The following GPC6 variants were observed in gnomAD, a reference collection of about 807,000 sequenced individuals.
GPC6 encodes glypican-6.
In GPC6, 14 loss-of-function variants were observed where a neutral mutation model predicts 55.2. The observed-to-expected ratio is 0.25, with a 90% CI of 0.17 to 0.40. The LOEUF is 0.40. Among genes scored for constraint, GPC6 ranks in the 10% least tolerant of loss-of-function variants. The pLI is 1.00. For synonymous variants in GPC6, 278 were observed against 259.6 expected (o/e 1.07, Z -0.68); for missense variants, 641 against 708.5 (o/e 0.90, Z 1.08).
chr13:94,098,917 G>T (rs1885755845), intron 4 of GPC6, among the ~76,000 whole-genome samples: 1 of 151,914 alleles, frequency 6.6e-6, no homozygotes, highest in African/African-American at 2.4e-5. Flanking sequence ...TATTGTGTGG[G>T]GCTACACCCA....
rs9561337 is a variant in GPC6 at position 93,388,918 on chromosome 13, G to A, written c.161-156345G>A. ...GTGAGTGAGTCAGTGAATGCACAGCGTTGCCATGGTTAAACCAGTGATTCA... is the reference window on the plus strand; with the variant it reads ...GTGAGTGAGTCAGTGAATGCACAGCATTGCCATGGTTAAACCAGTGATTCA... On this transcript the variant is annotated intron_variant, in intron 1 of 8. Transcript: ENST00000377047. Among the ~76,000 whole-genome samples the A allele has an allele frequency of 6.7e-3, 1,018 of 152,142 alleles. 66 individuals carry two copies. The East Asian group carries it at 0.16, about 24-fold the overall frequency.
intron 2 of GPC6, among the ~76,000 whole-genome samples, chr13:93,680,926 A>G (rs554742401): frequency 6.6e-6 from 1 of 152,278 alleles, no homozygotes; most frequent in African/African-American, 2.4e-5. Flanking sequence ...ATTGCCTTTG[A>G]TGGCTAGGAA....
At chr13:93,411,759 G>A (rs532772488) in intron 1 of GPC6, among the ~76,000 whole-genome samples, 1 of 152,178 alleles carries the variant, frequency 6.6e-6, no homozygotes, top group Non-Finnish European at 1.5e-5. Context: ...TCAGCACTTT[G>A]GGAGGTCGAG....
At chr13:93,291,008 A>G (rs1186765226) in intron 1 of GPC6, among the ~76,000 whole-genome samples, 1 of 152,122 alleles carries the variant, frequency 6.6e-6, no homozygotes, top group African/African-American at 2.4e-5. Flanking sequence ...ACGACTGATC[A>G]TTTGGGCAAA....
intron 2 of GPC6, among the ~76,000 whole-genome samples, chr13:93,797,531 A>T (rs1042602868): frequency 1.3e-5 from 2 of 152,206 alleles, no homozygotes; most frequent in African/African-American, 4.8e-5. Context: ...ATCCTCTATG[A>T]ATATATGAAT....
chr13:94,286,586 G>A lies in GPC6; in HGVS notation c.1008+107G>A, dbSNP rs542939491. ...CGGCTGGGCTTATAAATTCTAATAT[G>A]CTGTCAGCGAGCTTTTCCTGTTGAG... On this transcript the variant is annotated intron_variant, in intron 5 of 8. Coordinates refer to ENST00000377047, the MANE Select transcript of GPC6 (RefSeq NM_005708.5). The A allele has an allele frequency of 4.4e-5, 43 of 975,778 alleles. 1 individual carries two copies. Among genetic ancestry groups the A allele is most frequent in the Admixed American group, 1.7e-4 (8 of 47,946 alleles). 60.4% of individuals were successfully genotyped at this position (975,778 alleles called of 1,614,324 possible).
chr13:93,831,827 A>G (rs552328725), intron 3 of GPC6, among the ~76,000 whole-genome samples: 32 of 151,640 alleles, frequency 2.1e-4, no homozygotes, highest in African/African-American at 7.7e-4. Context: ...GCGGTGGCTC[A>G]CATCTGTAAT....
chr13:93,867,235 A>C lies in GPC6; in HGVS notation c.711+36690A>C, dbSNP rs141075737. ...TGTTATGTGTTACAGTTTGTTCTAG[A>C]AAACTCTTTGTAGAAAACTTGGAAC... On this transcript the variant is annotated intron_variant, in intron 3 of 8. Transcript: ENST00000377047. Among the ~76,000 whole-genome samples, 3 of 151,908 alleles carry C rather than the reference A, an allele frequency of 2.0e-5. No individual in the cohort carries two copies. In the East Asian group the frequency reaches 5.9e-4, roughly 30 times the overall value.
intron 4 of GPC6, among the ~76,000 whole-genome samples, chr13:94,190,227 G>C (rs1288796333): frequency 2.0e-5 from 3 of 151,928 alleles, no homozygotes; most frequent in African/African-American, 7.3e-5. Flanking sequence ...GGAGGCTGAG[G>C]CAGAATTGTT....
At chr13:93,974,160 A>G (rs1202179258) in intron 3 of GPC6, among the ~76,000 whole-genome samples, 1 of 152,202 alleles carries the variant, frequency 6.6e-6, no homozygotes, top group Non-Finnish European at 1.5e-5. Flanking sequence ...GCCCCAACAC[A>G]CAGACAGTTT....
At chr13:94,073,009 G>GA (rs1159256881) in intron 4 of GPC6, among the ~76,000 whole-genome samples, 13 of 152,138 alleles carry the variant, frequency 8.5e-5, no homozygotes, top group Admixed American at 7.9e-4. Flanking sequence ...CCCCATTCAA[G>GA]AAATTGCAGA....
chr13:93,641,803 C>T (rs1269138490), intron 2 of GPC6, among the ~76,000 whole-genome samples: 1 of 152,094 alleles, frequency 6.6e-6, no homozygotes, highest in East Asian at 1.9e-4. Flanking sequence ...ACTTGAAAAG[C>T]ATATCAAGAT....
At chr13:93,849,946 A>C (rs1888336687) in intron 3 of GPC6, among the ~76,000 whole-genome samples, 1 of 152,114 alleles carries the variant, frequency 6.6e-6, no homozygotes, top group African/African-American at 2.4e-5. Context: ...TCTTTTGTAA[A>C]GTGCTCACAT....
chr13:93,949,611 T>C (rs1879164153), intron 3 of GPC6, among the ~76,000 whole-genome samples: 1 of 152,198 alleles, frequency 6.6e-6, no homozygotes, highest in African/African-American at 2.4e-5. Context: ...GCCTGGCAGC[T>C]TGGTATATTT....
intron 4 of GPC6, among the ~76,000 whole-genome samples, chr13:94,080,359 G>T (rs907558930): frequency 7.2e-5 from 11 of 152,064 alleles, no homozygotes; most frequent in African/African-American, 2.7e-4. Context: ...AATTATATTT[G>T]GGTAAAAATT....
intron 2 of GPC6, among the ~76,000 whole-genome samples, chr13:93,750,337 T>C (rs1884534511): frequency 6.6e-6 from 1 of 152,170 alleles, no homozygotes; most frequent in Non-Finnish European, 1.5e-5. Flanking sequence ...GGAAGGTAGT[T>C]AACCTTTTTT....
chr13:94,179,996 A>G (rs998409996), intron 4 of GPC6, among the ~76,000 whole-genome samples: 1 of 152,188 alleles, frequency 6.6e-6, no homozygotes, highest in Non-Finnish European at 1.5e-5. Context: ...ATGTAAACTC[A>G]ATAGTGAGAT....
chr13:93,631,366 C>G lies in GPC6; in HGVS notation c.319+85945C>G, dbSNP rs1879422670. ...TGGAGTTTCTCTGGGGACCTCTTTACACTTGGCTGTCTCAGCAGTCTACAT... is the reference window on the plus strand; with the variant it reads ...TGGAGTTTCTCTGGGGACCTCTTTAGACTTGGCTGTCTCAGCAGTCTACAT... On this transcript the variant is annotated intron_variant, in intron 2 of 8. Transcript: ENST00000377047. Among the ~76,000 whole-genome samples the G allele has an allele frequency of 3.9e-5, 6 of 152,268 alleles. No individual in the cohort carries two copies. The South Asian group carries it at 1.2e-3, about 32-fold the overall frequency.
At chr13:94,142,369 TCACCATACACATAC>T (rs1887408804) in intron 4 of GPC6, among the ~76,000 whole-genome samples, 1 of 152,216 alleles carries the variant, frequency 6.6e-6, no homozygotes, top group Admixed American at 6.5e-5. Context: ...AGATAGCTTA[TCACCATACACATAC>T]ACACATCTTT....
Sources: gnomAD v4.1 joint callset for allele counts (sites outside exome capture counted in the v4.1 genomes callset) on GRCh38, gnomAD v4.1.1 for gene constraint, MANE v1.5 for transcripts, NCBI Gene and HGNC (gene_info 2026-07-23, HGNC 2026-07-21) for gene names.